The following SLC6A9 variants were observed in gnomAD, a reference collection of about 807,000 sequenced individuals.
SLC6A9 encodes solute carrier family 6 member 9.
A neutral mutation model predicts 70.9 loss-of-function variants in SLC6A9; 31 were observed. That is an observed-to-expected ratio of 0.44 (90% CI 0.33 to 0.59). The LOEUF is 0.59. Among genes scored for constraint, SLC6A9 ranks in the 20% least tolerant of loss-of-function variants. The probability of loss-of-function intolerance (pLI) is 0.04; values close to 1 mark genes in which losing one functional copy is unlikely to be tolerated. For missense variants in SLC6A9, 631 were observed against 845.2 expected (o/e 0.75, Z 3.14); for synonymous variants, 310 against 341.3 (o/e 0.91, Z 1.01).
intron 4 of SLC6A9, 125 bp downstream of exon 4, chr1:44,009,840 C>T: frequency 8.6e-7 from 1 of 1,169,400 alleles, no homozygotes; most frequent in Non-Finnish European, 1.2e-6. Context: ...TGATGTGGGG[C>T]TTGGGGTCAG....
chr1:44,002,094 T>C lies in SLC6A9; in HGVS notation c.962+219A>G, dbSNP rs2086131827. The stretch of plus-strand genomic sequence containing the variant: ...TAAGGAGCCTGAGCTGCCTGAGTCC[T>C]CACAGACCCCTGGGACATCACTGTC... On this transcript the variant is annotated intron_variant, in intron 8 of 13. Coordinates refer to ENST00000372310, the MANE Select transcript of SLC6A9 (RefSeq NM_001024845.3). This position sits in a 1 kb window ranked among gnomAD's most constrained non-coding sequence, Gnocchi z 5.5. Among the ~76,000 whole-genome samples the C allele has an allele frequency of 6.6e-6, 1 of 152,160 alleles. No individual in the cohort carries two copies. Among genetic ancestry groups the C allele is most frequent in the Admixed American group, 6.5e-5 (1 of 15,274 alleles).
intron 10 of SLC6A9, 24 bp from the exon 11 acceptor site, chr1:44,001,079 G>T: frequency 6.2e-7 from 1 of 1,601,518 alleles, no homozygotes; most frequent in South Asian, 1.1e-5. Context: ...GGCAGCTGTG[G>T]GAGGCGCCTG....
At chr1:44,010,396 T>C (rs761020693) in intron 3 of SLC6A9, 80 of 407,606 alleles carry the variant, frequency 2.0e-4, no homozygotes, top group Admixed American at 3.4e-4. Context: ...ATCCTCAACA[T>C]CCCTGAACCA....
At chr1:44,010,203 A>G (rs930214183) in intron 3 of SLC6A9, 107 bp from the exon 4 acceptor site, 61 of 1,261,528 alleles carry the variant, frequency 4.8e-5, no homozygotes, top group Non-Finnish European at 6.4e-5. Context: ...GGTAGGACCC[A>G]GGGAGGAGTG....
At chr1:44,022,722 C>CTTTT (rs71307650) in intron 2 of SLC6A9, among the ~76,000 whole-genome samples, 13 of 118,948 alleles carry the variant, frequency 1.1e-4, no homozygotes, top group East Asian at 2.7e-4. Flanking sequence ...TTCTTTCTTT[C>CTTTT]TTTTTTTTTT....
At chr1:44,011,958 G>A (rs1382403662) in intron 2 of SLC6A9, among the ~76,000 whole-genome samples, 1 of 152,178 alleles carries the variant, frequency 6.6e-6, no homozygotes, top group African/African-American at 2.4e-5. Context: ...ATTAATCAGA[G>A]CCCAAGGGCC....
rs923569060 is a variant in SLC6A9, at chr1:44,013,939, T to G, written c.31-3057A>C. 2.0e-5 allele frequency among the ~76,000 whole-genome samples: 3 copies of G among 152,186 alleles called. No homozygotes were observed. Among genetic ancestry groups the G allele is most frequent in the Non-Finnish European group, 4.4e-5 (3 of 68,032 alleles). ...TTTCCTATTCTAAGCCTCTAGTTTTTCTTGATCTGCTGGGTGGACGGCTGT... is the reference window on the plus strand; with the variant it reads ...TTTCCTATTCTAAGCCTCTAGTTTTGCTTGATCTGCTGGGTGGACGGCTGT... On this transcript the variant is annotated intron_variant, in intron 2 of 13. Coordinates refer to ENST00000372310, the MANE Select transcript of SLC6A9 (RefSeq NM_001024845.3). The surrounding 1 kb of genome is among the most constrained non-coding windows in gnomAD (Gnocchi z 5.3).
In SLC6A9 at chr1:43,997,653, G is replaced by A; in HGVS notation, c.1794C>T (p.Ala598=). Residue 598 remains alanine (A), a synonymous_variant, in exon 14 of 14, where the codon GCC becomes GCT. Coordinates refer to ENST00000372310, the MANE Select transcript of SLC6A9 (RefSeq NM_001024845.3). The surrounding 1 kb of genome is among the most constrained non-coding windows in gnomAD (Gnocchi z 4.4). ...CCTCGAAGCCGTCCTCAGGAGAGGGGGCTATGGTGGGGGCGTAGCGCCCTG... is the reference window on the plus strand; with the variant it reads ...CCTCGAAGCCGTCCTCAGGAGAGGGAGCTATGGTGGGGGCGTAGCGCCCTG... ...HRTGRYAPTI[A]PSPEDGFEVQ... 6.2e-7 allele frequency: 1 copy of A among 1,614,036 alleles called. No homozygotes were observed. Among genetic ancestry groups the A allele is most frequent in the Non-Finnish European group, 8.5e-7 (1 of 1,179,978 alleles).
At chr1:44,003,530 G>A (rs1212236338) in intron 5 of SLC6A9, among the ~76,000 whole-genome samples, 1 of 152,146 alleles carries the variant, frequency 6.6e-6, no homozygotes, top group Non-Finnish European at 1.5e-5. Context: ...GCCGTGGTGG[G>A]TGGATCACCT....
chr1:44,000,877 T>G lies in SLC6A9; in HGVS notation c.1436-10A>C. The G allele has an allele frequency of 1.2e-6, 2 of 1,601,388 alleles. No individual in the cohort carries two copies. The highest frequency in any genetic ancestry group is 1.7e-6 in the Non-Finnish European group (2 of 1,173,014). ...AAGTAGTTCCGGTGCCCTGGAGAGA[T>G]GGGGGGTCAGCAGACCCGCAGGACA... On this transcript the variant is annotated splice_polypyrimidine_tract_variant and intron_variant, in intron 11 of 13. Coordinates refer to ENST00000372310, the MANE Select transcript of SLC6A9 (RefSeq NM_001024845.3).
intron 1 of SLC6A9, among the ~76,000 whole-genome samples, chr1:44,028,724 T>C (rs1197005915): frequency 6.6e-6 from 1 of 151,460 alleles, no homozygotes; most frequent in Admixed American, 6.6e-5. Context: ...CATTGCACTA[T>C]TGCCTGGGCA....
chr1:44,002,780 A>G lies in SLC6A9; in HGVS notation c.723+73T>C. 4 of 1,597,592 alleles carry G rather than the reference A, an allele frequency of 2.5e-6. No individual in the cohort carries two copies. Among genetic ancestry groups the G allele is most frequent in the Non-Finnish European group, 3.4e-6 (4 of 1,166,752 alleles). Reference sequence around the variant, plus strand: ...GTCCCTTCAGCATCCCCTCCCTGCAATACACACATAACCCAGGTAGGGGGC... The same window carrying G: ...GTCCCTTCAGCATCCCCTCCCTGCAGTACACACATAACCCAGGTAGGGGGC... On this transcript the variant is annotated intron_variant, in intron 6 of 13. Transcript: ENST00000372310. The surrounding 1 kb of genome is among the most constrained non-coding windows in gnomAD (Gnocchi z 5.5).
chr1:44,006,511 C>T (rs895426912), intron 5 of SLC6A9, among the ~76,000 whole-genome samples: 4 of 133,570 alleles, frequency 3.0e-5, no homozygotes, highest in Admixed American at 1.7e-4. Context: ...TCGCTTACCC[C>T]GGGAGGCAGA....
chr1:44,023,427 A>G (rs2485998), intron 2 of SLC6A9, among the ~76,000 whole-genome samples: 35,411 of 151,802 alleles, frequency 0.23, 9,179 homozygotes, highest in African/African-American at 0.65. Context: ...TGGATCACCT[A>G]AGGTCAGGAG....
chr1:44,002,201 C>T lies in SLC6A9; in HGVS notation c.962+112G>A, dbSNP rs2086137572. 1 of 745,302 alleles carries T rather than the reference C, an allele frequency of 1.3e-6. No homozygotes were observed. Among genetic ancestry groups the T allele is most frequent in the African/African-American group, 1.7e-5 (1 of 57,728 alleles). The allele number at this position is 745,302 out of a possible 1,614,324, so 46.2% of individuals were successfully genotyped here. A position where few individuals can be genotyped will look rare whatever the true frequency, so the allele number is the denominator to read the frequency against. On this transcript the variant is annotated intron_variant, in intron 8 of 13. Coordinates refer to ENST00000372310, the MANE Select transcript of SLC6A9 (RefSeq NM_001024845.3). The surrounding 1 kb of genome is among the most constrained non-coding windows in gnomAD (Gnocchi z 5.5). Reference sequence around the variant, plus strand: ...TCCAGAACCAGTATTCCCAGAACCTCAAGATCATGAGGGGAAAGGAGGCCT... The same window carrying T: ...TCCAGAACCAGTATTCCCAGAACCTTAAGATCATGAGGGGAAAGGAGGCCT...
chr1:43,999,249 A>T (rs2085999714), intron 12 of SLC6A9, among the ~76,000 whole-genome samples: 1 of 151,564 alleles, frequency 6.6e-6, no homozygotes. Flanking sequence ...GAGAAAACAC[A>T]ACAGCCCAGA....
intron 12 of SLC6A9, among the ~76,000 whole-genome samples, chr1:44,000,493 G>A (rs561981933): frequency 3.1e-4 from 47 of 152,230 alleles, no homozygotes; most frequent in Non-Finnish European, 5.9e-4. Flanking sequence ...CTGAGTCCCC[G>A]GGGGTGCCAG....
At chr1:44,004,885 G>A (rs1272640561) in intron 5 of SLC6A9, among the ~76,000 whole-genome samples, 1 of 152,200 alleles carries the variant, frequency 6.6e-6, no homozygotes, top group Non-Finnish European at 1.5e-5. Context: ...ATTACTCTGC[G>A]TTGCTTTAAA....
intron 5 of SLC6A9, among the ~76,000 whole-genome samples, chr1:44,007,583 GCAT>G (rs373553037): frequency 1.8e-3 from 271 of 152,254 alleles, no homozygotes; most frequent in African/African-American, 6.4e-3. Context: ...CTTTTGTTCT[GCAT>G]CATCAAGTCT....
Sources: gnomAD v4.1 joint callset for allele counts (sites outside exome capture counted in the v4.1 genomes callset) on GRCh38, gnomAD v4.1.1 for gene constraint, Gnocchi (gnomAD v3.1) non-coding constraint, MANE v1.5 for transcripts, NCBI Gene and HGNC (gene_info 2026-07-23, HGNC 2026-07-21) for gene names.